The following INSL4 variants were observed in gnomAD, a reference collection of about 807,000 sequenced individuals.
The protein encoded by INSL4 is insulin like 4.
Under a neutral mutation model 6.5 loss-of-function variants are expected in INSL4, and 7 were observed. That is an observed-to-expected ratio of 1.08 (90% confidence interval 0.61 to 2.02). The LOEUF is 2.02. Among genes scored for constraint, INSL4 ranks in the 30% most tolerant of loss-of-function variants. The pLI is 0.00. For missense variants in INSL4, 226 were observed against 163.2 expected, an observed-to-expected ratio of 1.38 and a Z score of -2.09; for synonymous variants, 82 against 65.8, an observed-to-expected ratio of 1.25 and a Z score of -1.19.
Position 5,231,809 on chromosome 9 carries a change from T to C in INSL4, c.196+90T>C, listed in dbSNP as rs954519514. Reference sequence around the variant, plus strand: ...GACTGCCTGTAGTCAACTCAGACTCTACTGTGGCTAGTGCCTACAAGTTTG... The same window carrying C: ...GACTGCCTGTAGTCAACTCAGACTCCACTGTGGCTAGTGCCTACAAGTTTG... On this transcript the variant is annotated intron_variant, in intron 1 of 1. Transcript: ENST00000239316. 1.6e-5 allele frequency: 18 copies of C among 1,137,858 alleles called. No individual in the cohort carries two copies. The African/African-American group carries it at 2.2e-4, about 14-fold the overall frequency. The allele number at this position is 1,137,858 out of a possible 1,614,324, so 70.5% of individuals were successfully genotyped here.
Position 5,234,208 on chromosome 9 carries a change from G to T in INSL4, c.*331G>T. The T allele has an allele frequency of 7.5e-6, 2 of 265,148 alleles. No individual in the cohort carries two copies. Among genetic ancestry groups the T allele is most frequent in the Non-Finnish European group, 7.3e-6 (1 of 137,462 alleles). The allele number at this position is 265,148 out of a possible 1,614,324, so 16.4% of individuals were successfully genotyped here. A position where few individuals can be genotyped will look rare whatever the true frequency, so the allele number is the denominator to read the frequency against. On this transcript the variant is annotated 3_prime_UTR_variant, in exon 2 of 2. Coordinates refer to ENST00000239316, the MANE Select transcript of INSL4 (RefSeq NM_002195.2). The stretch of plus-strand genomic sequence containing the variant: ...ATGCATATCCCAATTACCCTGATTT[G>T]ATCATTACACATTATATACACGTAT...
At chr9:5,232,714 G>T (rs949730811) in intron 1 of INSL4, among the ~76,000 whole-genome samples, 2 of 152,146 alleles carry the variant, frequency 1.3e-5, no homozygotes, top group Admixed American at 6.5e-5. Context: ...CTAATAGGTC[G>T]TATTAAGTTC....
At chr9:5,232,278 C>T (rs1356173819) in intron 1 of INSL4, among the ~76,000 whole-genome samples, 1 of 152,160 alleles carries the variant, frequency 6.6e-6, no homozygotes, top group Non-Finnish European at 1.5e-5. Context: ...TAACTCTCAT[C>T]CTTTGTCATT....
intron 1 of INSL4, among the ~76,000 whole-genome samples, chr9:5,232,250 A>C (rs1443907013): frequency 6.6e-6 from 1 of 152,132 alleles, no homozygotes; most frequent in African/African-American, 2.4e-5. Flanking sequence ...ATGTGAGATA[A>C]AGGGGGCTTA....
chr9:5,233,276 C>T, intron 1 of INSL4, among the ~76,000 whole-genome samples: 1 of 152,066 alleles, frequency 6.6e-6, no homozygotes, highest in Admixed American at 6.6e-5. Flanking sequence ...ATATCTGAAT[C>T]TTTCTATTAG....
Position 5,231,618 on chromosome 9 carries a change from G to T in INSL4, c.95G>T (p.Gly32Val). The T allele has an allele frequency of 1.9e-6, 3 of 1,613,788 alleles. No individual in the cohort carries two copies. The highest frequency in any genetic ancestry group is 2.2e-5 in the East Asian group (1 of 44,858). Residue 32 changes from glycine (G) to valine (V), a missense_variant, in exon 1 of 2, where the codon GGT becomes GTT. Transcript: ENST00000239316. ...ESLAAELRGC[G>V]PRFGKHLLSY... Reference sequence around the variant, plus strand: ...CTAGCAGCAGAGCTGAGGGGATGTGGTCCCCGATTTGGAAAACACTTGCTG... The same window carrying T: ...CTAGCAGCAGAGCTGAGGGGATGTGTTCCCCGATTTGGAAAACACTTGCTG...
At chr9:5,233,077 G>A (rs1380511126) in intron 1 of INSL4, among the ~76,000 whole-genome samples, 1 of 151,940 alleles carries the variant, frequency 6.6e-6, no homozygotes, top group Non-Finnish European at 1.5e-5. Context: ...CTTTTTTTCA[G>A]TAAATAAGTG....
chr9:5,232,206 G>A (rs1009964310), intron 1 of INSL4, among the ~76,000 whole-genome samples: 1 of 152,100 alleles, frequency 6.6e-6, no homozygotes, highest in African/African-American at 2.4e-5. Flanking sequence ...TTGGCCTAGG[G>A]GCAGCACACT....
rs1826205429 is a variant in INSL4, at chr9:5,234,976, A to G, written c.*1099A>G. On this transcript the variant is annotated 3_prime_UTR_variant, in exon 2 of 2. Coordinates refer to ENST00000239316, the MANE Select transcript of INSL4 (RefSeq NM_002195.2). ...AGGAATCAGGGTCGTGTTTAATGCCAACATGTGAAAGAATAAATATACAGG... is the reference window on the plus strand; with the variant it reads ...AGGAATCAGGGTCGTGTTTAATGCCGACATGTGAAAGAATAAATATACAGG... 6.6e-6 allele frequency: 1 copy of G among 152,168 alleles called. No homozygotes were observed. Among genetic ancestry groups the G allele is most frequent in the South Asian group, 2.1e-4 (1 of 4,830 alleles). The allele number at this position is 152,168 out of a possible 1,614,324, so 9.4% of individuals were successfully genotyped here.
rs369806677 is a variant in INSL4, at chr9:5,231,569, C to T, written c.46C>T (p.Leu16=). 13 of 1,613,808 alleles carry T rather than the reference C, an allele frequency of 8.1e-6. No homozygotes were observed. The African/African-American group carries it at 1.3e-4, about 17-fold the overall frequency. ...RSYLPAIWLL[L]SQLLRESLAA... ...CTATCTGCCAGCAATCTGGCTGCTGCTGAGCCAACTCCTTAGAGAAAGCCT... is the reference window on the plus strand; with the variant it reads ...CTATCTGCCAGCAATCTGGCTGCTGTTGAGCCAACTCCTTAGAGAAAGCCT... The change falls in exon 1 of 2, where the codon CTG becomes TTG. Residue 16 remains leucine, a synonymous_variant. Coordinates refer to ENST00000239316, the MANE Select transcript of INSL4 (RefSeq NM_002195.2).
At position 5,235,257 on chromosome 9, in the gene INSL4, A is replaced by G. The variant is rs1311331277; in HGVS notation, c.*1380A>G. The G allele has an allele frequency of 6.6e-6, 1 of 152,654 alleles. No homozygotes were observed. Among genetic ancestry groups the G allele is most frequent in the Admixed American group, 6.6e-5 (1 of 15,256 alleles). 9.5% of individuals were successfully genotyped at this position (152,654 alleles called of 1,614,324 possible). The stretch of plus-strand genomic sequence containing the variant: ...GAGAGGATCTCAAACGATTCCACAC[A>G]ATGCAGCTATGGGGTTTAGGCTGCA... On this transcript the variant is annotated 3_prime_UTR_variant, in exon 2 of 2. Coordinates refer to ENST00000239316, the MANE Select transcript of INSL4 (RefSeq NM_002195.2).
Position 5,233,729 on chromosome 9 carries a change from C to G in INSL4, c.272C>G (p.Pro91Arg), listed in dbSNP as rs759151869. ...TTSEFIPNLSPELKKPLSEGQ... is the reference protein window; with the variant it reads ...TTSEFIPNLSRELKKPLSEGQ... Reference sequence around the variant, plus strand: ...TCAGAATTCATTCCTAATTTGTCACCAGAGCTGAAGAAACCACTGTCTGAA... The same window carrying G: ...TCAGAATTCATTCCTAATTTGTCACGAGAGCTGAAGAAACCACTGTCTGAA... The change falls in exon 2 of 2, where the codon CCA becomes CGA. Residue 91 changes from proline to arginine, a missense_variant. Coordinates refer to ENST00000239316, the MANE Select transcript of INSL4 (RefSeq NM_002195.2). 7 of 1,613,680 alleles carry G rather than the reference C, an allele frequency of 4.3e-6. No individual in the cohort carries two copies. The South Asian group carries it at 6.6e-5, about 15-fold the overall frequency.
intron 1 of INSL4, among the ~76,000 whole-genome samples, chr9:5,232,448 G>A (rs1203355860): frequency 1.3e-5 from 2 of 152,154 alleles, no homozygotes; most frequent in African/African-American, 4.8e-5. Context: ...TGGATGACTA[G>A]AGGGGAAATT....
Position 5,233,690 on chromosome 9 carries a change from C to G in INSL4, c.233C>G (p.Ala78Gly), listed in dbSNP as rs1326173588. ...VSTSNNKDGQ[A>G]LGTTSEFIPN... is the part of the protein sequence containing the mutation. ...ACCTCCAACAACAAAGATGGACAAG[C>G]CTTAGGTACGACATCAGAATTCATT... The change falls in exon 2 of 2, where the codon GCC becomes GGC. Residue 78 changes from alanine (A) to glycine (G), a missense_variant. Coordinates refer to ENST00000239316, the MANE Select transcript of INSL4 (RefSeq NM_002195.2). 1.9e-6 allele frequency: 3 copies of G among 1,613,456 alleles called. No homozygotes were observed. Among genetic ancestry groups the G allele is most frequent in the Non-Finnish European group, 2.5e-6 (3 of 1,179,712 alleles).
In INSL4 at chr9:5,233,926, A is replaced by C; in HGVS notation, c.*49A>C. 1 of 1,258,098 alleles carries C rather than the reference A, an allele frequency of 7.9e-7. No individual in the cohort carries two copies. Among genetic ancestry groups the C allele is most frequent in the Non-Finnish European group, 1.2e-6 (1 of 863,600 alleles). The allele number at this position is 1,258,098 out of a possible 1,614,324, so 77.9% of individuals were successfully genotyped here. On this transcript the variant is annotated 3_prime_UTR_variant, in exon 2 of 2. Transcript: ENST00000239316. Reference sequence around the variant, plus strand: ...CTCATCCATTCTCATATGTATTCTCAATGACAAATTCACTGATGCCCAATT... The same window carrying C: ...CTCATCCATTCTCATATGTATTCTCCATGACAAATTCACTGATGCCCAATT...
intron 1 of INSL4, among the ~76,000 whole-genome samples, chr9:5,233,453 C>T (rs1361907776): frequency 6.6e-6 from 1 of 151,970 alleles, no homozygotes; most frequent in Non-Finnish European, 1.5e-5. Flanking sequence ...TTAGCATATC[C>T]TTAATATTGT....
chr9:5,231,435 G>T lies in INSL4; in HGVS notation c.-89G>T, dbSNP rs1826142440. On this transcript the variant is annotated 5_prime_UTR_variant, in exon 1 of 2. It adds an upstream start codon to the 5' untranslated region. Coordinates refer to ENST00000239316, the MANE Select transcript of INSL4 (RefSeq NM_002195.2). ...GCAGAAAGCAGTCTGGAGCCCAGAA[G>T]GGACACACCAGCACAGTCTGGTAGG... The T allele has an allele frequency of 7.0e-6, 9 of 1,289,190 alleles. No homozygotes were observed. Among genetic ancestry groups the T allele is most frequent in the Middle Eastern group, 2.8e-4 (1 of 3,624 alleles). The allele number at this position is 1,289,190 out of a possible 1,614,324, so 79.9% of individuals were successfully genotyped here. A position where few individuals can be genotyped will look rare whatever the true frequency, so the allele number is the denominator to read the frequency against.
intron 1 of INSL4, among the ~76,000 whole-genome samples, 178 bp downstream of exon 1, chr9:5,231,897 G>C (rs576203493): frequency 2.9e-4 from 44 of 152,270 alleles, no homozygotes; most frequent in African/African-American, 8.9e-4. Flanking sequence ...TGGGAAGTTG[G>C]GGGTAGAGGA....
rs755759001 is a variant in INSL4 at position 5,233,914 on chromosome 9, A to G, written c.*37A>G. 19 of 1,369,900 alleles carry G rather than the reference A, an allele frequency of 1.4e-5. No homozygotes were observed. The highest frequency in any genetic ancestry group is 1.9e-5 in the Non-Finnish European group (18 of 962,202). 84.9% of individuals were successfully genotyped at this position (1,369,900 alleles called of 1,614,324 possible). ...TGGACTGGACATCTCATCCATTCTCATATGTATTCTCAATGACAAATTCAC... is the reference window on the plus strand; with the variant it reads ...TGGACTGGACATCTCATCCATTCTCGTATGTATTCTCAATGACAAATTCAC... On this transcript the variant is annotated 3_prime_UTR_variant, in exon 2 of 2. Coordinates refer to ENST00000239316, the MANE Select transcript of INSL4 (RefSeq NM_002195.2).
Sources: gnomAD v4.1 joint callset for allele counts (sites outside exome capture counted in the v4.1 genomes callset) on GRCh38, gnomAD v4.1.1 for gene constraint, MANE v1.5 for transcripts, NCBI Gene and HGNC (gene_info 2026-07-23, HGNC 2026-07-21) for gene names.